Variants in DIAPH1 observed in about 807,000 individuals in gnomAD.
The protein encoded by DIAPH1 is diaphanous related formin 1.
Under a neutral mutation model 140.7 loss-of-function variants are expected in DIAPH1, and 46 were observed. That is an observed-to-expected ratio of 0.33 (90% CI 0.26 to 0.42). The LOEUF (loss-of-function observed/expected upper bound fraction) is 0.42. Among genes scored for constraint, DIAPH1 ranks in the 10% least tolerant of loss-of-function variants. The probability of loss-of-function intolerance (pLI) is 1.00; values close to 1 mark genes in which losing one functional copy is unlikely to be tolerated. For synonymous variants in DIAPH1, 565 were observed against 551.6 expected, an observed-to-expected ratio of 1.02 and a Z score of -0.34; for missense variants, 1,310 against 1,558.7, an observed-to-expected ratio of 0.84 and a Z score of 2.69.
At chr5:141,558,065 T>C (rs1192964114) in intron 18 of DIAPH1, among the ~76,000 whole-genome samples, 1 of 152,108 alleles carries the variant, frequency 6.6e-6, no homozygotes, top group Non-Finnish European at 1.5e-5. Flanking sequence ...GGAGTCTGTT[T>C]TATGTTCTTC....
chr5:141,615,221 G>A (rs1047575620), intron 1 of DIAPH1, among the ~76,000 whole-genome samples: 1 of 151,598 alleles, frequency 6.6e-6, no homozygotes, highest in African/African-American at 2.4e-5. Flanking sequence ...GGATCACGAG[G>A]TCAGGAATTT....
chr5:141,545,096 C>T (rs1051167587), intron 18 of DIAPH1, among the ~76,000 whole-genome samples: 1 of 152,164 alleles, frequency 6.6e-6, no homozygotes, highest in African/African-American at 2.4e-5. Context: ...ACTTATATGA[C>T]AGTCTGAAAA....
chr5:141,544,188 T>C (rs1479212371), intron 18 of DIAPH1, among the ~76,000 whole-genome samples: 1 of 152,008 alleles, frequency 6.6e-6, no homozygotes, highest in Admixed American at 6.6e-5. Context: ...CGGGCACCTG[T>C]AGTCCCAGCT....
At chr5:141,575,886 C>T (rs2154596375) in intron 14 of DIAPH1, among the ~76,000 whole-genome samples, 1 of 152,288 alleles carries the variant, frequency 6.6e-6, no homozygotes, top group Admixed American at 6.5e-5. Context: ...TCCTCTAGTT[C>T]TATTGCTCTA....
At chr5:141,605,343 T>C (rs2099900768) in intron 1 of DIAPH1, among the ~76,000 whole-genome samples, 2 of 152,050 alleles carry the variant, frequency 1.3e-5, no homozygotes, top group Non-Finnish European at 2.9e-5. Context: ...GACTAAAATA[T>C]ACAAAGACTG....
Position 141,618,872 on chromosome 5 carries a change from G to A in DIAPH1, c.43C>T (p.Arg15Trp), listed in dbSNP as rs2099903140. 2.0e-6 allele frequency: 3 copies of A among 1,523,342 alleles called. No individual in the cohort carries two copies. Among genetic ancestry groups the A allele is most frequent in the African/African-American group, 1.4e-5 (1 of 69,846 alleles). The allele number at this position is 1,523,342 out of a possible 1,614,324, so 94.4% of individuals were successfully genotyped here. ...GGGCTCCGGCCCTTCTTCTTGTCCC[G>A]GGTCCCGCGGCCGGGCCCCAGGCTC... Reference protein sequence around the residue: ...GGSLGPGRGTRDKKKGRSPDE... With the variant: ...GGSLGPGRGTWDKKKGRSPDE... The change falls in exon 1 of 28, where the codon CGG (arginine) becomes TGG (tryptophan). Residue 15 changes from arginine (R) to tryptophan (W), a missense_variant. Physicochemically the swap from Arg to Trp is moderately radical, Grantham distance 101. Transcript: ENST00000389054.
At chr5:141,542,239 C>G (rs12374513) in intron 18 of DIAPH1, among the ~76,000 whole-genome samples, 23,039 of 152,168 alleles carry the variant, frequency 0.15, 1,778 homozygotes, top group South Asian at 0.2. Flanking sequence ...CGAGACCAGC[C>G]TGGCCAACAT....
In DIAPH1 at chr5:141,575,098, T is replaced by C. The variant is rs1384356529; in HGVS notation, c.1510A>G (p.Lys504Glu). The C allele has an allele frequency of 3.1e-6, 5 of 1,614,078 alleles. No homozygotes were observed. The African/African-American group carries it at 6.7e-5, about 22-fold the overall frequency. ...TTCTGCTCAAAGTCACTTTCCATCT[T>C]TTTCATTTCCACCTGTAGCTCATGT... ...ARHELQVEMK[K>E]MESDFEQKLQ... Residue 504 changes from lysine to glutamate, a missense_variant, in exon 15 of 28, where the codon AAG becomes GAG. Around this residue, in one of 3 missense-constraint regions of DIAPH1, gnomAD observed 589 missense variants for 549.3 expected, o/e 1.07. Coordinates refer to ENST00000389054, the MANE Select transcript of DIAPH1 (RefSeq NM_005219.5).
chr5:141,606,540 G>A (rs890600770), intron 1 of DIAPH1, among the ~76,000 whole-genome samples: 14 of 151,948 alleles, frequency 9.2e-5, no homozygotes, highest in African/African-American at 3.4e-4. Flanking sequence ...GACTACAACT[G>A]GGCACCACCA....
In DIAPH1 at chr5:141,574,139, T is replaced by G; in HGVS notation, c.1711A>C (p.Thr571Pro). Residue 571 changes from threonine to proline, a missense_variant, in exon 16 of 28, where the codon ACT (threonine) becomes CCT (proline). Physicochemically the swap from Thr to Pro is conservative, Grantham distance 38. Around this residue, in one of 3 missense-constraint regions of DIAPH1, gnomAD observed 589 missense variants for 549.3 expected, o/e 1.07. Coordinates refer to ENST00000389054, the MANE Select transcript of DIAPH1 (RefSeq NM_005219.5). ...EMASLSAAAI[T>P]VPPSVPSRAP... Reference sequence around the variant, plus strand: ...CGACTAGGAACAGAAGGAGGTACAGTAATAGCTGCCGCAGAGAGGGAAGCC... The same window carrying G: ...CGACTAGGAACAGAAGGAGGTACAGGAATAGCTGCCGCAGAGAGGGAAGCC... 1.2e-6 allele frequency: 2 copies of G among 1,614,024 alleles called. No individual in the cohort carries two copies. Among genetic ancestry groups the G allele is most frequent in the Non-Finnish European group, 1.7e-6 (2 of 1,180,002 alleles).
chr5:141,595,361 A>G (rs1403617347), intron 1 of DIAPH1, among the ~76,000 whole-genome samples: 1 of 152,168 alleles, frequency 6.6e-6, no homozygotes, highest in East Asian at 1.9e-4. Context: ...ATTGCAACAA[A>G]TGTACCACGC....
intron 24 of DIAPH1, 27 bp from the exon 25 acceptor site, chr5:141,526,488 A>G (rs1428740826): frequency 1.2e-5 from 19 of 1,614,096 alleles, no homozygotes; most frequent in Non-Finnish European, 1.6e-5. Flanking sequence ...AAGGACCAAG[A>G]CCAAGACCAA....
In DIAPH1 at chr5:141,573,996, TGGAGGAGGAGGAGGAGGA is replaced by T. The variant is rs3075570; in HGVS notation, c.1836_1853del (p.Pro615_Pro620del). On this transcript the variant is annotated inframe_deletion, in exon 16 of 28. Coordinates refer to ENST00000389054, the MANE Select transcript of DIAPH1 (RefSeq NM_005219.5). ...TGCAAACACCCCCAGGCAAAGGAGGTGGAGGAGGAGGAGGAGGAGGAGGAGGAGGAGGAGTGGTACTAT... is the reference window on the plus strand; with the variant it reads ...TGCAAACACCCCCAGGCAAAGGAGGTGGAGGAGGAGGAGGAGTGGTACTAT... The T allele has an allele frequency of 5.3e-6, 8 of 1,511,810 alleles. No individual in the cohort carries two copies. Among genetic ancestry groups the T allele is most frequent in the South Asian group, 3.7e-5 (3 of 81,638 alleles). The allele number at this position is 1,511,810 out of a possible 1,614,324, so 93.6% of individuals were successfully genotyped here. A position where few individuals can be genotyped will look rare whatever the true frequency, so the allele number is the denominator to read the frequency against.
At chr5:141,537,433 A>C (rs945117632) in intron 18 of DIAPH1, among the ~76,000 whole-genome samples, 2 of 138,198 alleles carry the variant, frequency 1.4e-5, no homozygotes. Flanking sequence ...TGGTGAGCTG[A>C]GATCGCGCCA....
chr5:141,571,535 T>TAA, intron 17 of DIAPH1, 99 bp from the exon 18 acceptor site: 1 of 1,031,274 alleles, frequency 9.7e-7, no homozygotes, highest in Non-Finnish European at 1.5e-6. Context: ...CTGTAGACAG[T>TAA]CACTCAGTCA....
chr5:141,594,854 A>G (rs1304820102), intron 1 of DIAPH1, among the ~76,000 whole-genome samples: 1 of 151,172 alleles, frequency 6.6e-6, no homozygotes, highest in Non-Finnish European at 1.5e-5. Context: ...CAGCCTGGCC[A>G]ACGTTGTGAA....
At chr5:141,569,083 G>A (rs1395723863) in intron 18 of DIAPH1, among the ~76,000 whole-genome samples, 1 of 151,884 alleles carries the variant, frequency 6.6e-6, no homozygotes, top group African/African-American at 2.4e-5. Context: ...AAGGACATTT[G>A]CGTCTGAATG....
Position 141,594,911 on chromosome 5 carries a change from G to T in DIAPH1, c.118-6661C>A, listed in dbSNP as rs561960793. On this transcript the variant is annotated intron_variant, in intron 1 of 27. Transcript: ENST00000389054. The stretch of plus-strand genomic sequence containing the variant: ...CAAAAATTAGCTGGGCATGGTGGCG[G>T]GTGCCTGTAATCCCAGCTACTTGGG... 1.3e-4 allele frequency among the ~76,000 whole-genome samples: 19 copies of T among 151,302 alleles called. No individual in the cohort carries two copies. The South Asian group carries it at 4.0e-3, about 32-fold the overall frequency.
At chr5:141,603,036 G>A (rs922561302) in intron 1 of DIAPH1, among the ~76,000 whole-genome samples, 7 of 152,286 alleles carry the variant, frequency 4.6e-5, no homozygotes, top group Middle Eastern at 3.4e-3. Flanking sequence ...TAGAAGAGGG[G>A]CACAAAATGA....
Sources: allele counts gnomAD v4.1 joint callset (sites outside exome capture counted in the v4.1 genomes callset), GRCh38; gene constraint gnomAD v4.1.1; regional missense constraint gnomAD v4.1.1; transcripts MANE v1.5; gene names NCBI Gene and HGNC (gene_info 2026-07-23, HGNC 2026-07-21).